TNR: variants seen among roughly 807,000 people sequenced by gnomAD.
The protein encoded by TNR is tenascin-R.
TNR carries 45 observed loss-of-function variants against 150.4 expected under a neutral mutation model. The observed-to-expected ratio is 0.30, with a 90% CI of 0.24 to 0.38. The LOEUF (loss-of-function observed/expected upper bound fraction) is 0.38, where lower values mean the gene tolerates loss of function less well. TNR is among the 10% of genes least tolerant of loss of function. The pLI is 1.00. For synonymous variants in TNR, 687 were observed against 678.4 expected (o/e 1.01, Z -0.20); for missense variants, 1,544 against 1,759.1 (o/e 0.88, Z 2.19).
intron 1 of TNR, among the ~76,000 whole-genome samples, chr1:175,656,181 TG>T (rs1665169920): frequency 6.8e-6 from 1 of 146,780 alleles, no homozygotes; most frequent in African/African-American, 2.7e-5. Flanking sequence ...TGTGTGTGTG[TG>T]TGTGTGTGTA....
chr1:175,602,419 T>C (rs998682319), intron 1 of TNR, among the ~76,000 whole-genome samples: 2 of 152,090 alleles, frequency 1.3e-5, no homozygotes, highest in African/African-American at 4.8e-5. Flanking sequence ...CAGGTGATAG[T>C]GATATTGCAA....
At chr1:175,494,102 C>T (rs2102142390) in intron 2 of TNR, among the ~76,000 whole-genome samples, 1 of 152,274 alleles carries the variant, frequency 6.6e-6, no homozygotes, top group South Asian at 2.1e-4. Flanking sequence ...GGATTCCTCC[C>T]ACCAGCCTGT....
chr1:175,461,247 G>A (rs1322206465), intron 2 of TNR, among the ~76,000 whole-genome samples: 6 of 152,314 alleles, frequency 3.9e-5, no homozygotes, highest in African/African-American at 1.4e-4. Flanking sequence ...TGCAGTTGGG[G>A]TTCATAGCAG....
intron 4 of TNR, among the ~76,000 whole-genome samples, chr1:175,397,016 G>T (rs557963274): frequency 8.2e-4 from 125 of 152,308 alleles, no homozygotes; most frequent in Non-Finnish European, 1.4e-3. Flanking sequence ...TCATGAACAT[G>T]CACTGGAGCC....
chr1:175,679,858 C>A (rs756023944), intron 1 of TNR, among the ~76,000 whole-genome samples: 5 of 152,208 alleles, frequency 3.3e-5, no homozygotes, highest in Admixed American at 6.5e-5. Context: ...ACTTCTGTTT[C>A]ATCTGCCTGA....
intron 1 of TNR, among the ~76,000 whole-genome samples, chr1:175,724,056 C>T (rs190488230): frequency 2.0e-4 from 31 of 152,156 alleles, no homozygotes; most frequent in Non-Finnish European, 1.5e-5. Context: ...TCTAAACCCT[C>T]CAAAAGTGAG....
At chr1:175,635,459 A>G (rs886338570) in intron 1 of TNR, among the ~76,000 whole-genome samples, 1 of 152,200 alleles carries the variant, frequency 6.6e-6, no homozygotes, top group Non-Finnish European at 1.5e-5. Context: ...GAGTTTTCTT[A>G]TCATGACTCC....
intron 2 of TNR, among the ~76,000 whole-genome samples, chr1:175,426,783 GGT>G (rs1654988317): frequency 1.5e-5 from 2 of 133,938 alleles, no homozygotes; most frequent in Admixed American, 1.6e-4. Context: ...TATATATACA[GGT>G]GTGTGTGTAT....
chr1:175,636,940 A>G (rs147543915), intron 1 of TNR, among the ~76,000 whole-genome samples: 34 of 152,376 alleles, frequency 2.2e-4, no homozygotes, highest in East Asian at 2.1e-3. Flanking sequence ...AGCCAACTCA[A>G]TTTATACCAA....
intron 1 of TNR, among the ~76,000 whole-genome samples, chr1:175,618,332 A>T (rs879400558): frequency 6.6e-6 from 1 of 152,218 alleles, no homozygotes; most frequent in Non-Finnish European, 1.5e-5. Flanking sequence ...TTAAAGTGAT[A>T]TCATTAGAGC....
At chr1:175,524,570 T>C (rs901467799) in intron 2 of TNR, among the ~76,000 whole-genome samples, 2 of 152,012 alleles carry the variant, frequency 1.3e-5, no homozygotes, top group Non-Finnish European at 2.9e-5. Context: ...CAAGGACTCA[T>C]TGGAAGAGTT....
At chr1:175,484,509 G>C (rs1357424132) in intron 2 of TNR, among the ~76,000 whole-genome samples, 1 of 151,838 alleles carries the variant, frequency 6.6e-6, no homozygotes, top group Non-Finnish European at 1.5e-5. Context: ...CCTGTGTCTT[G>C]TTTCCTGCCT....
chr1:175,713,644 C>T (rs1198125482), intron 1 of TNR, among the ~76,000 whole-genome samples: 2 of 152,186 alleles, frequency 1.3e-5, no homozygotes, highest in Non-Finnish European at 2.9e-5. Context: ...AATCTAACTT[C>T]ATTGTCATTA....
chr1:175,349,477 A>C (rs1650956207), intron 18 of TNR, among the ~76,000 whole-genome samples: 1 of 152,246 alleles, frequency 6.6e-6, no homozygotes, highest in African/African-American at 2.4e-5. Flanking sequence ...AGCAAAAACT[A>C]TGAGAATAGG....
In TNR at chr1:175,517,012, T is replaced by TGAGAGA. The variant is rs58416273; in HGVS notation, c.-64+11251_-64+11256dup. 3.7e-3 allele frequency among the ~76,000 whole-genome samples: 444 copies of TGAGAGA among 120,418 alleles called. 3 individuals are homozygous for TGAGAGA. The highest frequency in any genetic ancestry group is 7.8e-3 in the African/African-American group (249 of 31,968). The allele number at this position is 120,418 out of a possible 152,430, so 79.0% of individuals were successfully genotyped here. ...AGCACAAATTAGTACATCTGAAAGC[T>TGAGAGA]GAGAGAGAGAGAGAGAGAGAGAGAG... is the stretch of plus-strand genomic sequence containing the variant. On this transcript the variant is annotated intron_variant, in intron 2 of 22. Coordinates refer to ENST00000367674, the MANE Select transcript of TNR (RefSeq NM_003285.3).
chr1:175,384,200 G>A (rs1422292852), intron 8 of TNR, among the ~76,000 whole-genome samples: 1 of 152,218 alleles, frequency 6.6e-6, no homozygotes, highest in Non-Finnish European at 1.5e-5. Flanking sequence ...ATTAAGAAAA[G>A]GATGCAGGAC....
chr1:175,705,184 A>G (rs1380998607), intron 1 of TNR, among the ~76,000 whole-genome samples: 1 of 152,174 alleles, frequency 6.6e-6, no homozygotes. Flanking sequence ...TATTGAGGCC[A>G]TGGTCTCAGA....
chr1:175,628,481 T>C (rs1443780876), intron 1 of TNR, among the ~76,000 whole-genome samples: 1 of 151,898 alleles, frequency 6.6e-6, no homozygotes, highest in Non-Finnish European at 1.5e-5. Flanking sequence ...AACCTGCACA[T>C]TGTGCACGTG....
rs1341731744 is a variant in TNR, at chr1:175,406,528, C to T, written c.187G>A (p.Val63Met). ...NYNTSSKEQPVVFNHVYNINV... is the reference protein window; with the variant it reads ...NYNTSSKEQPMVFNHVYNINV... ...ATGTTGTACACGTGGTTGAAGACCA[C>T]AGGCTGCTCTTTGCTGGATGTGTTG... The change falls in exon 3 of 23, where the codon GTG becomes ATG. Residue 63 changes from valine (V) to methionine (M), a missense_variant. Val to Met is a conservative substitution (Grantham distance 21). This residue lies in a region of TNR where 1,254 missense variants were observed against 1,329.4 expected (regional missense o/e 0.94). Transcript: ENST00000367674. The T allele has an allele frequency of 6.2e-7, 1 of 1,614,104 alleles. No homozygotes were observed. Among genetic ancestry groups the T allele is most frequent in the African/African-American group, 1.3e-5 (1 of 74,936 alleles).
Sources: gnomAD v4.1 joint callset for allele counts (sites outside exome capture counted in the v4.1 genomes callset) on GRCh38, gnomAD v4.1.1 for gene constraint, gnomAD v4.1.1 regional missense constraint, MANE v1.5 for transcripts, NCBI Gene and HGNC (gene_info 2026-07-23, HGNC 2026-07-21) for gene names.